Variants in SLC8A1 observed in about 807,000 individuals in gnomAD.
The protein encoded by SLC8A1 is sodium/calcium exchanger 1.
Under a neutral mutation model 68.3 loss-of-function variants are expected in SLC8A1, and 18 were observed. That is an observed-to-expected ratio of 0.26 (90% CI 0.18 to 0.39). The LOEUF (loss-of-function observed/expected upper bound fraction) is 0.39. Ranked by LOEUF, SLC8A1 falls within the 10% of genes least tolerant of loss-of-function variation. The pLI is 1.00. For missense variants in SLC8A1, 985 were observed against 1,156.7 expected, an observed-to-expected ratio of 0.85 and a Z score of 2.15; for synonymous variants, 475 against 415.5, an observed-to-expected ratio of 1.14 and a Z score of -1.74.
chr2:40,127,403 C>A (rs1238775188), intron 7 of SLC8A1, among the ~76,000 whole-genome samples: 2 of 152,164 alleles, frequency 1.3e-5, no homozygotes, highest in African/African-American at 4.8e-5. Context: ...CCTTGAGCAA[C>A]CAGAACTGCA....
At chr2:40,260,970 A>G (rs1015011705) in intron 2 of SLC8A1, among the ~76,000 whole-genome samples, 10 of 152,328 alleles carry the variant, frequency 6.6e-5, no homozygotes, top group African/African-American at 1.7e-4. Context: ...AGCCATAGCT[A>G]GGAATACAGT....
chr2:40,274,267 C>T (rs145964708), intron 2 of SLC8A1, among the ~76,000 whole-genome samples: 1 of 150,000 alleles, frequency 6.7e-6, no homozygotes, highest in African/African-American at 2.5e-5. Flanking sequence ...ATATTTGTAG[C>T]CCCACATAAA....
At chr2:40,247,412 A>T (rs1038680007) in intron 2 of SLC8A1, among the ~76,000 whole-genome samples, 1 of 147,336 alleles carries the variant, frequency 6.8e-6, no homozygotes, top group African/African-American at 2.5e-5. Flanking sequence ...TTAGCAAAGC[A>T]ACTTTAGAAA....
At chr2:40,249,694 A>C (rs2062439172) in intron 2 of SLC8A1, among the ~76,000 whole-genome samples, 1 of 152,226 alleles carries the variant, frequency 6.6e-6, no homozygotes, top group South Asian at 2.1e-4. Context: ...GAATAAGTGC[A>C]ATGTATTTCT....
Position 40,188,971 on chromosome 2 carries a change from A to G in SLC8A1, c.1809-11116T>C, listed in dbSNP as rs554447954. 5.3e-5 allele frequency among the ~76,000 whole-genome samples: 8 copies of G among 152,278 alleles called. No homozygotes were observed. The South Asian group carries it at 1.2e-3, about 24-fold the overall frequency. On this transcript the variant is annotated intron_variant, in intron 2 of 7. Coordinates refer to ENST00000406785, the Ensembl canonical transcript of SLC8A1. ...TTCACATTTTAATTTTATGTCTAAT[A>G]TTTTATTGGTATTTCACATTAGATT...
At chr2:40,138,107 G>C (rs1232185111) in intron 7 of SLC8A1, among the ~76,000 whole-genome samples, 3 of 151,952 alleles carry the variant, frequency 2.0e-5, no homozygotes, top group East Asian at 3.9e-4. Flanking sequence ...TTCCAATCTT[G>C]ACCATAATTC....
exon 8 of SLC8A1, chr2:40,097,316 A>C (rs1450842128): frequency 1.4e-5 from 2 of 138,686 alleles, no homozygotes; most frequent in Non-Finnish European, 3.0e-5. Flanking sequence ...AAATATGGTA[A>C]GATTAGGAAA....
chr2:40,400,781 G>C (rs559971515), intron 2 of SLC8A1, among the ~76,000 whole-genome samples: 8 of 152,324 alleles, frequency 5.3e-5, no homozygotes, highest in African/African-American at 1.9e-4. Context: ...AGATTTTGGT[G>C]ATGATGTCAG....
intron 1 of SLC8A1, among the ~76,000 whole-genome samples, chr2:40,481,501 T>C (rs144705228): frequency 6.6e-6 from 1 of 152,218 alleles, no homozygotes; most frequent in African/African-American, 2.4e-5. Context: ...GTTGTAAGAA[T>C]GCAACCAGAT....
chr2:40,322,398 C>T (rs967246478), intron 2 of SLC8A1, among the ~76,000 whole-genome samples: 2 of 151,288 alleles, frequency 1.3e-5, no homozygotes, highest in Middle Eastern at 3.2e-3. Context: ...TGGTTCACAC[C>T]TGTAATCCCA....
chr2:40,149,594 C>A (rs1203126971), intron 6 of SLC8A1, among the ~76,000 whole-genome samples: 1 of 152,108 alleles, frequency 6.6e-6, no homozygotes, highest in Non-Finnish European at 1.5e-5. Flanking sequence ...TGGCATTAAG[C>A]TTTGGGAGGC....
chr2:40,410,180 T>C (rs974303584), intron 2 of SLC8A1, among the ~76,000 whole-genome samples: 1 of 151,942 alleles, frequency 6.6e-6, no homozygotes. Flanking sequence ...TGGAAATGGG[T>C]TGTTCGATTA....
In SLC8A1 at chr2:40,249,047, C is replaced by G. The variant is rs138681993; in HGVS notation, c.1809-71192G>C. 2.5e-3 allele frequency among the ~76,000 whole-genome samples: 384 copies of G among 152,326 alleles called. 2 individuals are homozygous for G. Among genetic ancestry groups the G allele is most frequent in the African/African-American group, 8.6e-3 (359 of 41,576 alleles). Reference sequence around the variant, plus strand: ...GTTTCAGATGTGATCAGCTTGCCAACTGTCCCTGGGTCCTTTGTGTCCTGC... The same window carrying G: ...GTTTCAGATGTGATCAGCTTGCCAAGTGTCCCTGGGTCCTTTGTGTCCTGC... On this transcript the variant is annotated intron_variant, in intron 2 of 7. Coordinates refer to ENST00000406785, the Ensembl canonical transcript of SLC8A1.
At chr2:40,124,717 G>A (rs568076955) in intron 7 of SLC8A1, among the ~76,000 whole-genome samples, 14 of 152,300 alleles carry the variant, frequency 9.2e-5, no homozygotes, top group African/African-American at 3.1e-4. Context: ...GATTGGAGCA[G>A]AGTTTCTATG....
At chr2:40,134,095 G>GTTTTTTT (rs59189337) in intron 7 of SLC8A1, among the ~76,000 whole-genome samples, 2 of 148,976 alleles carry the variant, frequency 1.3e-5, no homozygotes, top group Non-Finnish European at 3.0e-5. Flanking sequence ...TTGTTTGTTT[G>GTTTTTTT]TGTTTTTTTT....
chr2:40,480,661 A>G (rs895943078), intron 1 of SLC8A1, among the ~76,000 whole-genome samples: 1 of 152,138 alleles, frequency 6.6e-6, no homozygotes, highest in Non-Finnish European at 1.5e-5. Flanking sequence ...CCTGACCAAA[A>G]TTTCTTGTTG....
exon 2 of SLC8A1, chr2:40,430,209 A>T (rs751105395): frequency 6.2e-7 from 1 of 1,613,528 alleles, no homozygotes; most frequent in Non-Finnish European, 8.5e-7. Flanking sequence ...AAAATAAGAG[A>T]CTCACAGTAA....
At chr2:40,202,747 G>T (rs962430282) in intron 2 of SLC8A1, among the ~76,000 whole-genome samples, 1 of 151,914 alleles carries the variant, frequency 6.6e-6, no homozygotes, top group Non-Finnish European at 1.5e-5. Flanking sequence ...TGGTGTCAAT[G>T]AAATTACAGC....
intron 7 of SLC8A1, among the ~76,000 whole-genome samples, chr2:40,128,207 A>G (rs186029479): frequency 1.3e-5 from 2 of 152,362 alleles, no homozygotes; most frequent in East Asian, 3.9e-4. Flanking sequence ...TGCCTTTTAA[A>G]TTGAGTTAGC....
Sources: allele counts gnomAD v4.1 joint callset (sites outside exome capture counted in the v4.1 genomes callset), GRCh38; gene constraint gnomAD v4.1.1; transcripts MANE v1.5; gene names NCBI Gene and HGNC (gene_info 2026-07-23, HGNC 2026-07-21).